RGS6: variants seen among roughly 807,000 people sequenced by gnomAD.
RGS6 encodes the protein regulator of G protein signaling 6.
A neutral mutation model predicts 78.5 loss-of-function variants in RGS6; 30 were observed. That is an observed-to-expected ratio of 0.38 (90% CI 0.29 to 0.52). The LOEUF (loss-of-function observed/expected upper bound fraction) is 0.52. RGS6 is among the 20% of genes least tolerant of loss of function. The probability of loss-of-function intolerance (pLI) is 0.85; values close to 1 mark genes in which losing one functional copy is unlikely to be tolerated. For synonymous variants in RGS6, 206 were observed against 206.0 expected (o/e 1.00, Z 0.00); for missense variants, 495 against 609.7 (o/e 0.81, Z 1.98).
intron 2 of RGS6, among the ~76,000 whole-genome samples, chr14:72,008,636 T>C (rs6574037): frequency 0.69 from 104,783 of 152,066 alleles, 36,398 homozygotes; most frequent in Middle Eastern, 0.74. Flanking sequence ...ATCCCGTGCT[T>C]TCCTGGATCC....
chr14:72,129,012 G>A (rs118185763), intron 2 of RGS6, among the ~76,000 whole-genome samples: 2 of 152,278 alleles, frequency 1.3e-5, no homozygotes, highest in South Asian at 4.1e-4. Flanking sequence ...TTTAAAAAAG[G>A]TGTAAAGCCT....
intron 2 of RGS6, among the ~76,000 whole-genome samples, chr14:72,267,834 A>T (rs531204592): frequency 6.6e-6 from 1 of 152,354 alleles, no homozygotes; most frequent in South Asian, 2.1e-4. Flanking sequence ...AAAGAAAAAA[A>T]TGTATTTTTG....
intron 2 of RGS6, among the ~76,000 whole-genome samples, chr14:72,026,719 C>T (rs1307372402): frequency 6.6e-6 from 1 of 152,232 alleles, no homozygotes; most frequent in East Asian, 1.9e-4. Flanking sequence ...CTCACAGACA[C>T]TGTTTGGCCA....
At chr14:72,200,455 C>T (rs2041236328) in intron 2 of RGS6, among the ~76,000 whole-genome samples, 1 of 152,200 alleles carries the variant, frequency 6.6e-6, no homozygotes, top group Admixed American at 6.5e-5. Flanking sequence ...TTGTCCACTT[C>T]TTGCTTCTTC....
Position 72,266,612 on chromosome 14 carries a change from G to A in RGS6, c.85-85483G>A, listed in dbSNP as rs1014332839. 3.3e-5 allele frequency among the ~76,000 whole-genome samples: 5 copies of A among 152,212 alleles called. 1 individual carries two copies. In the South Asian group the frequency reaches 8.3e-4, roughly 25 times the overall value. ...TTTCAAGAAATAAGAATTGAAAAGTGTTGGAGGAAAGAAAGTTTCCATCTC... is the reference window on the plus strand; with the variant it reads ...TTTCAAGAAATAAGAATTGAAAAGTATTGGAGGAAAGAAAGTTTCCATCTC... On this transcript the variant is annotated intron_variant, in intron 2 of 17. Transcript: ENST00000553525.
chr14:72,286,205 T>C lies in RGS6; in HGVS notation c.85-65890T>C, dbSNP rs186748402. Reference sequence around the variant, plus strand: ...ATTTTTATATGGTATAAAGTAAGCATTCAATTTCATTCTTTTGCATATAAG... The same window carrying C: ...ATTTTTATATGGTATAAAGTAAGCACTCAATTTCATTCTTTTGCATATAAG... On this transcript the variant is annotated intron_variant, in intron 2 of 17. Coordinates refer to ENST00000553525, the MANE Select transcript of RGS6 (RefSeq NM_001204424.2). Among the ~76,000 whole-genome samples, 116 of 152,360 alleles carry C rather than the reference T, an allele frequency of 7.6e-4. 1 individual carries two copies. Among genetic ancestry groups the C allele is most frequent in the South Asian group, 6.2e-4 (3 of 4,828 alleles).
the RGS6 span, among the ~76,000 whole-genome samples, chr14:72,577,615 C>T: frequency 2.0e-5 from 3 of 152,300 alleles, no homozygotes; most frequent in South Asian, 4.1e-4. Flanking sequence ...TGTCCATGTA[C>T]GTAATGAAAA....
chr14:72,549,436 G>T (rs1354767315), intron 17 of RGS6, among the ~76,000 whole-genome samples: 2 of 152,168 alleles, frequency 1.3e-5, no homozygotes, highest in Admixed American at 6.5e-5. Flanking sequence ...CTGGCCCAAG[G>T]TTGAAGAAAA....
chr14:72,376,961 A>C (rs2152863197), intron 3 of RGS6, among the ~76,000 whole-genome samples: 1 of 152,290 alleles, frequency 6.6e-6, no homozygotes, highest in East Asian at 1.9e-4. Context: ...ACTACAGAAA[A>C]ACACCCAACT....
chr14:72,288,992 G>A (rs1232234357), intron 2 of RGS6, among the ~76,000 whole-genome samples: 1 of 152,052 alleles, frequency 6.6e-6, no homozygotes, highest in Admixed American at 6.6e-5. Flanking sequence ...GATGGCAAAG[G>A]GCTCTGCAGA....
chr14:72,193,999 T>C (rs772149531), intron 2 of RGS6, among the ~76,000 whole-genome samples: 65 of 152,230 alleles, frequency 4.3e-4, no homozygotes, highest in Non-Finnish European at 4.4e-4. Context: ...AAGGGACCAT[T>C]CTGACCGTCA....
chr14:72,484,604 A>C (rs11846338), intron 12 of RGS6, among the ~76,000 whole-genome samples: 2,224 of 152,252 alleles, frequency 0.015, 47 homozygotes, highest in African/African-American at 0.049. Context: ...GAGAGAAAGG[A>C]TAAAATCTAC....
intron 2 of RGS6, among the ~76,000 whole-genome samples, chr14:72,227,855 A>C (rs2048498879): frequency 6.6e-6 from 1 of 152,184 alleles, no homozygotes; most frequent in Non-Finnish European, 1.5e-5. Context: ...TGGGGGTCCC[A>C]GAGCAAGCCA....
chr14:71,991,686 A>G lies in RGS6; in HGVS notation c.84+26811A>G, dbSNP rs77025680. Among the ~76,000 whole-genome samples the G allele has an allele frequency of 7.4e-4, 113 of 152,352 alleles. No individual in the cohort carries two copies. In the East Asian group the frequency reaches 0.015, roughly 21 times the overall value. ...ACTTCCATGCTTCTTTTCTAGGTAC[A>G]TATTTTAACAGAAATAGAGACTTAC... On this transcript the variant is annotated intron_variant, in intron 2 of 17. Coordinates refer to ENST00000553525, the MANE Select transcript of RGS6 (RefSeq NM_001204424.2).
At chr14:71,962,069 A>G (rs1207404249) in intron 1 of RGS6, among the ~76,000 whole-genome samples, 2 of 152,236 alleles carry the variant, frequency 1.3e-5, no homozygotes, top group South Asian at 2.1e-4. Flanking sequence ...ATTATTTTAG[A>G]AATGATTCTT....
intron 2 of RGS6, among the ~76,000 whole-genome samples, chr14:72,066,303 A>C (rs950465442): frequency 6.6e-6 from 1 of 150,630 alleles, no homozygotes; most frequent in Non-Finnish European, 1.5e-5. Flanking sequence ...GTTTGGAAAA[A>C]CTCTGTAGGG....
At chr14:72,010,096 ACTCACTT>A (rs1197317574) in intron 2 of RGS6, among the ~76,000 whole-genome samples, 4 of 152,086 alleles carry the variant, frequency 2.6e-5, no homozygotes, top group African/African-American at 9.7e-5. Context: ...CTTCTCTTTT[ACTCACTT>A]CTTAGGTCCT....
At chr14:72,075,657 T>A (rs1016799981) in intron 2 of RGS6, among the ~76,000 whole-genome samples, 4 of 152,154 alleles carry the variant, frequency 2.6e-5, no homozygotes, top group Non-Finnish European at 5.9e-5. Flanking sequence ...TATTTACTTG[T>A]ACAGTTTTTT....
chr14:71,939,016 CA>C (rs1226102700), intron 1 of RGS6, among the ~76,000 whole-genome samples: 1 of 152,188 alleles, frequency 6.6e-6, no homozygotes, highest in Non-Finnish European at 1.5e-5. Context: ...TCATATGTCC[CA>C]AGTGGCAGAG....
Sources: allele counts gnomAD v4.1 joint callset (sites outside exome capture counted in the v4.1 genomes callset), GRCh38; gene constraint gnomAD v4.1.1; transcripts MANE v1.5; gene names NCBI Gene and HGNC (gene_info 2026-07-23, HGNC 2026-07-21).